Variants in RNF17 observed in about 807,000 individuals in gnomAD.
RNF17 encodes the protein ring finger protein 17.
In RNF17, 31 loss-of-function variants were observed where a neutral mutation model predicts 200.5. The ratio of observed to expected loss-of-function variants is 0.15; its 90% CI spans 0.12 to 0.21. RNF17 has a LOEUF of 0.21. RNF17 is among the 10% of genes least tolerant of loss of function. RNF17 has a pLI of 1.00. For synonymous variants in RNF17, 606 were observed against 637.8 expected (o/e 0.95, Z 0.75); for missense variants, 1,628 against 1,905.1 (o/e 0.85, Z 2.71).
At position 24,764,174 on chromosome 13, in the gene RNF17, C is replaced by A. The variant is rs369540588; in HGVS notation, c.-30C>A. The A allele has an allele frequency of 9.6e-6, 15 of 1,561,534 alleles. No individual in the cohort carries two copies. The Admixed American group carries it at 2.4e-4, about 25-fold the overall frequency. On this transcript the variant is annotated 5_prime_UTR_variant, in exon 1 of 36. Coordinates refer to ENST00000255324, the MANE Select transcript of RNF17 (RefSeq NM_031277.3). ...CGCGAGGGCCGCCGGGACTCGCACT[C>A]GGCGGTTGTTCCAGAAGAAAGAGAC...
intron 27 of RNF17, 123 bp downstream of exon 27, chr13:24,861,510 A>G: frequency 1.6e-6 from 1 of 626,284 alleles, no homozygotes; most frequent in Non-Finnish European, 2.5e-6. Flanking sequence ...TAAAACACCA[A>G]CAAATAAGTT....
At chr13:24,780,371 T>G (rs1882182135) in intron 5 of RNF17, among the ~76,000 whole-genome samples, 1 of 152,112 alleles carries the variant, frequency 6.6e-6, no homozygotes, top group Non-Finnish European at 1.5e-5. Context: ...AAGCAATACT[T>G]AGTACCAGAT....
the RNF17 span, among the ~76,000 whole-genome samples, chr13:24,886,622 G>T: frequency 5.3e-5 from 8 of 152,144 alleles, no homozygotes; most frequent in Non-Finnish European, 8.8e-5. Flanking sequence ...AAGGCTCTGG[G>T]GATAGCAGGA....
chr13:24,774,939 G>T (rs373288346), intron 3 of RNF17, 35 bp downstream of exon 3: 58 of 1,299,096 alleles, frequency 4.5e-5, no homozygotes, highest in Non-Finnish European at 6.1e-5. Flanking sequence ...AGTATTTAAA[G>T]TCAATGTGTT....
chr13:24,758,699 T>C, the RNF17 span, among the ~76,000 whole-genome samples: 1 of 152,138 alleles, frequency 6.6e-6, no homozygotes, highest in Non-Finnish European at 1.5e-5. Context: ...AAAAGGTTGA[T>C]TTTTGGAGCA....
intron 15 of RNF17, among the ~76,000 whole-genome samples, chr13:24,806,738 G>C (rs568013687): frequency 6.6e-6 from 1 of 150,968 alleles, no homozygotes; most frequent in Non-Finnish European, 1.5e-5. Flanking sequence ...ATGCTGGTGC[G>C]CTGCACCCAC....
At chr13:24,783,550 A>G (rs1449117095) in intron 6 of RNF17, among the ~76,000 whole-genome samples, 1 of 152,078 alleles carries the variant, frequency 6.6e-6, no homozygotes, top group African/African-American at 2.4e-5. Context: ...TTGTGTCTTA[A>G]TTTCTTTCAG....
chr13:24,855,499 G>A (rs934162689), intron 25 of RNF17, among the ~76,000 whole-genome samples: 2 of 151,924 alleles, frequency 1.3e-5, no homozygotes, highest in African/African-American at 4.8e-5. Flanking sequence ...ATGGTGGCAC[G>A]AACCTGTAAT....
chr13:24,826,915 C>G (rs560113630), intron 16 of RNF17, among the ~76,000 whole-genome samples: 4 of 151,986 alleles, frequency 2.6e-5, no homozygotes, highest in Admixed American at 2.6e-4. Flanking sequence ...AAAAAATTAG[C>G]TGGGCATGGT....
At chr13:24,806,471 T>A (rs1885859994) in intron 15 of RNF17, among the ~76,000 whole-genome samples, 1 of 152,188 alleles carries the variant, frequency 6.6e-6, no homozygotes, top group South Asian at 2.1e-4. Context: ...CCACCAACAA[T>A]GTAAAAGCAT....
upstream of RNF17, among the ~76,000 whole-genome samples, chr13:24,761,767 G>A (rs1593183329): frequency 6.6e-6 from 1 of 152,204 alleles, no homozygotes; most frequent in East Asian, 1.9e-4. Flanking sequence ...TTCTTGGTAA[G>A]TGCTAAGAAA....
At chr13:24,861,454 A>T in intron 27 of RNF17, 67 bp downstream of exon 27, 1 of 1,093,228 alleles carries the variant, frequency 9.1e-7, no homozygotes. Flanking sequence ...ATTTTTTAGA[A>T]ATATTTAGAA....
At chr13:24,801,819 C>G (rs987898596) in intron 13 of RNF17, among the ~76,000 whole-genome samples, 1 of 151,348 alleles carries the variant, frequency 6.6e-6, no homozygotes, top group Non-Finnish European at 1.5e-5. Flanking sequence ...TTATTTCTTT[C>G]ATTTTGAGAT....
chr13:24,877,523 A>G (rs1894984688), intron 34 of RNF17, among the ~76,000 whole-genome samples: 1 of 152,226 alleles, frequency 6.6e-6, no homozygotes, highest in African/African-American at 2.4e-5. Flanking sequence ...TGAAATAAGT[A>G]CTATAACAGA....
chr13:24,858,408 C>T (rs57651029), intron 25 of RNF17, among the ~76,000 whole-genome samples: 18,820 of 151,940 alleles, frequency 0.12, 1,277 homozygotes, highest in Admixed American at 0.15. Context: ...CTGACAGGTA[C>T]TGTTATTCCC....
At chr13:24,753,641 G>T in the RNF17 span, among the ~76,000 whole-genome samples, 3 of 152,188 alleles carry the variant, frequency 2.0e-5, no homozygotes, top group Non-Finnish European at 4.4e-5. Flanking sequence ...AGAGTAGAAG[G>T]GTCATTTGTG....
chr13:24,861,157 G>A (rs1893060834), intron 26 of RNF17, 111 bp from the exon 27 acceptor site: 1 of 841,130 alleles, frequency 1.2e-6, no homozygotes, highest in African/African-American at 1.8e-5. Flanking sequence ...GGGATTATAG[G>A]CATGAGCCAT....
chr13:24,798,309 A>G (rs1326266468), intron 11 of RNF17, among the ~76,000 whole-genome samples: 1 of 152,252 alleles, frequency 6.6e-6, no homozygotes, highest in Non-Finnish European at 1.5e-5. Flanking sequence ...CTAAGAATGT[A>G]TCAATGACAT....
downstream of RNF17, among the ~76,000 whole-genome samples, chr13:24,881,104 C>T (rs988638963): frequency 6.6e-6 from 1 of 151,964 alleles, no homozygotes; most frequent in Non-Finnish European, 1.5e-5. Context: ...TTGCCTTTCC[C>T]CTGTTTTGTA....
Sources: allele counts gnomAD v4.1 joint callset (sites outside exome capture counted in the v4.1 genomes callset), GRCh38; gene constraint gnomAD v4.1.1; transcripts MANE v1.5; gene names NCBI Gene and HGNC (gene_info 2026-07-23, HGNC 2026-07-21).